THRAP3: variants seen among roughly 807,000 people sequenced by gnomAD.
THRAP3 encodes thyroid hormone receptor-associated protein 3.
THRAP3 carries 16 observed loss-of-function variants against 101.0 expected under a neutral mutation model. The ratio of observed to expected loss-of-function variants is 0.16; its 90% CI spans 0.11 to 0.24. The LOEUF is 0.24. THRAP3 is among the 10% of genes least tolerant of loss of function. THRAP3 has a pLI of 1.00. For missense variants in THRAP3, 989 were observed against 1,202.7 expected (o/e 0.82, Z 2.63); for synonymous variants, 407 against 422.6 (o/e 0.96, Z 0.45).
At chr1:36,224,283 C>A (rs1488856400), upstream of THRAP3, 2 of 152,312 alleles carry the variant, frequency 1.3e-5, no homozygotes, top group Admixed American at 1.3e-4. Context: ...TGACGCAAAG[C>A]GGCGGGCCCA....
At chr1:36,223,778 G>A (rs889405274), upstream of THRAP3, among the ~76,000 whole-genome samples, 4 of 152,150 alleles carry the variant, frequency 2.6e-5, no homozygotes, top group Admixed American at 6.5e-5. Context: ...CATAGTTACA[G>A]AAGGCAGGCT....
chr1:36,286,829 A>T lies in THRAP3; in HGVS notation c.599A>T (p.Glu200Val), dbSNP rs1332080712. ...SQAAGDNQGD[E>V]AKEQTFSGGT... ...GCTGCCGGGGATAACCAGGGAGATGAGGCCAAGGAGCAGACATTCTCTGGA... is the reference window on the plus strand; with the variant it reads ...GCTGCCGGGGATAACCAGGGAGATGTGGCCAAGGAGCAGACATTCTCTGGA... The change falls in exon 4 of 12, where the codon GAG becomes GTG. Residue 200 changes from glutamate (E) to valine (V), a missense_variant. Glu to Val is a moderately radical substitution (Grantham distance 121). Coordinates refer to ENST00000354618, the MANE Select transcript of THRAP3 (RefSeq NM_005119.4). This position sits in a 1 kb window ranked among gnomAD's most constrained non-coding sequence, Gnocchi z 5.5. The T allele has an allele frequency of 9.3e-6, 15 of 1,614,088 alleles. No homozygotes were observed. The highest frequency in any genetic ancestry group is 1.3e-5 in the African/African-American group (1 of 74,918).
At chr1:36,247,307 A>G (rs1340507348) in intron 1 of THRAP3, among the ~76,000 whole-genome samples, 1 of 151,114 alleles carries the variant, frequency 6.6e-6, no homozygotes, top group East Asian at 2.0e-4. Context: ...ACAGAGCGAG[A>G]CTCCGTCTCA....
In THRAP3 at chr1:36,293,028, CTTTTTT is replaced by C. The variant is rs71053920; in HGVS notation, c.2030+332_2030+337del. ...AGTAAATGCTAGTTTCTTTTCTTGTCTTTTTTTTTTTTTTTTTTGAGATGGAGTGTT... is the reference window on the plus strand; with the variant it reads ...AGTAAATGCTAGTTTCTTTTCTTGTCTTTTTTTTTTTTGAGATGGAGTGTT... On this transcript the variant is annotated intron_variant, in intron 7 of 11. Coordinates refer to ENST00000354618, the MANE Select transcript of THRAP3 (RefSeq NM_005119.4). Among the ~76,000 whole-genome samples, 162 of 82,828 alleles carry C rather than the reference CTTTTTT, an allele frequency of 2.0e-3. 4 individuals are homozygous for C. Among genetic ancestry groups the C allele is most frequent in the African/African-American group, 5.9e-3 (141 of 23,732 alleles). 54.3% of individuals were successfully genotyped at this position (82,828 alleles called of 152,430 possible).
chr1:36,262,304 C>T (rs1413721573), intron 2 of THRAP3, among the ~76,000 whole-genome samples: 1 of 152,156 alleles, frequency 6.6e-6, no homozygotes, highest in Non-Finnish European at 1.5e-5. Flanking sequence ...TTGGATGGTA[C>T]AGTTCTAAGA....
intron 4 of THRAP3, chr1:36,288,383 A>G: frequency 1.0e-6 from 1 of 985,288 alleles, no homozygotes; most frequent in South Asian, 4.7e-5. Context: ...GTAGCTCCCA[A>G]GTAAGTCTAT....
In THRAP3 at chr1:36,289,762, A is replaced by G; in HGVS notation, c.1743A>G (p.Ala581=). 6.3e-7 allele frequency: 1 copy of G among 1,599,574 alleles called. No individual in the cohort carries two copies. Among genetic ancestry groups the G allele is most frequent in the Non-Finnish European group, 8.5e-7 (1 of 1,173,592 alleles). The change falls in exon 5 of 12, where the codon GCA becomes GCG. Residue 581 remains alanine (A), a splice_region_variant and synonymous_variant. Coordinates refer to ENST00000354618, the MANE Select transcript of THRAP3 (RefSeq NM_005119.4). ...VRMDSFDEDL[A]RPSGLLAQER... ...TGGACTCTTTTGATGAGGACCTCGC[A>G]CGGTGAGATATGCTCCTTCTTGATC...
chr1:36,228,626 A>T (rs191154724), intron 1 of THRAP3, among the ~76,000 whole-genome samples: 14 of 152,284 alleles, frequency 9.2e-5, no homozygotes, highest in Admixed American at 8.5e-4. Flanking sequence ...AAGTGCTGGG[A>T]TTACAGGCGT....
intron 1 of THRAP3, among the ~76,000 whole-genome samples, chr1:36,259,031 T>C (rs1422078430): frequency 6.6e-6 from 1 of 152,242 alleles, no homozygotes; most frequent in Non-Finnish European, 1.5e-5. Context: ...TATACTTCTG[T>C]TCATTGCTTT....
the THRAP3 span, among the ~76,000 whole-genome samples, chr1:36,219,032 C>CAAAAA: frequency 1.5e-5 from 1 of 64,684 alleles, no homozygotes. Flanking sequence ...GGCTCCATCT[C>CAAAAA]AAAAAAAAAA....
In THRAP3 at chr1:36,229,412, G is replaced by GTT. The variant is rs1453155517; in HGVS notation, c.-135+4916_-135+4917dup. Among the ~76,000 whole-genome samples the GTT allele has an allele frequency of 2.2e-3, 181 of 80,990 alleles. 1 individual carries two copies. Among genetic ancestry groups the GTT allele is most frequent in the African/African-American group, 6.5e-3 (174 of 26,878 alleles). The allele number at this position is 80,990 out of a possible 152,430, so 53.1% of individuals were successfully genotyped here. A position where few individuals can be genotyped will look rare whatever the true frequency, so the allele number is the denominator to read the frequency against. ...TGTCTGGTCTACAGTTTTTTTTTTTGTTTTTTTTTTGTTTTTTTTTTTTTG... is the reference window on the plus strand; with the variant it reads ...TGTCTGGTCTACAGTTTTTTTTTTTGTTTTTTTTTTTTGTTTTTTTTTTTTTG... On this transcript the variant is annotated intron_variant, in intron 1 of 11. Coordinates refer to ENST00000354618, the MANE Select transcript of THRAP3 (RefSeq NM_005119.4).
chr1:36,224,659 G>C (rs1325687333), intron 1 of THRAP3, among the ~76,000 whole-genome samples, 154 bp downstream of exon 1: 1 of 152,142 alleles, frequency 6.6e-6, no homozygotes, highest in Non-Finnish European at 1.5e-5. Flanking sequence ...TTCTGAGCGG[G>C]CTCCGTTCCC....
intron 2 of THRAP3, among the ~76,000 whole-genome samples, chr1:36,261,049 C>G (rs1316604484): frequency 6.6e-6 from 1 of 152,142 alleles, no homozygotes; most frequent in African/African-American, 2.4e-5. Context: ...TCCCTAAACT[C>G]TAACCATAAG....
intron 1 of THRAP3, among the ~76,000 whole-genome samples, chr1:36,250,841 G>T (rs1476214117): frequency 2.0e-5 from 3 of 151,936 alleles, no homozygotes; most frequent in Admixed American, 6.6e-5. Flanking sequence ...CCACCTCCTG[G>T]GCTCAAGCGA....
At chr1:36,299,454 GAC>G (rs1646002954) in intron 9 of THRAP3, among the ~76,000 whole-genome samples, 1 of 151,118 alleles carries the variant, frequency 6.6e-6, no homozygotes, top group African/African-American at 2.4e-5. Context: ...AACAAAAAAA[GAC>G]AATGCAAAGA....
the THRAP3 span, among the ~76,000 whole-genome samples, chr1:36,208,772 T>C: frequency 6.6e-6 from 1 of 151,950 alleles, no homozygotes; most frequent in Non-Finnish European, 1.5e-5. Context: ...TTTCAACCAA[T>C]TCTCCCGCCT....
chr1:36,288,233 T>G, intron 4 of THRAP3: 1 of 813,226 alleles, frequency 1.2e-6, no homozygotes, highest in Non-Finnish European at 1.5e-6. Flanking sequence ...AATGGTGATT[T>G]CTGAGGTTTT....
At chr1:36,250,904 G>A (rs1023370736) in intron 1 of THRAP3, among the ~76,000 whole-genome samples, 1 of 151,796 alleles carries the variant, frequency 6.6e-6, no homozygotes, top group South Asian at 2.1e-4. Flanking sequence ...GTGCCACCAC[G>A]CCCAGCTAAT....
At chr1:36,264,683 G>A (rs1645489557) in intron 2 of THRAP3, among the ~76,000 whole-genome samples, 1 of 152,150 alleles carries the variant, frequency 6.6e-6, no homozygotes, top group African/African-American at 2.4e-5. Flanking sequence ...GCGCAGATTT[G>A]CTAGTTATCT....
Sources: allele counts gnomAD v4.1 joint callset (sites outside exome capture counted in the v4.1 genomes callset), GRCh38; gene constraint gnomAD v4.1.1; non-coding constraint Gnocchi (gnomAD v3.1); transcripts MANE v1.5; gene names NCBI Gene and HGNC (gene_info 2026-07-23, HGNC 2026-07-21).